GRID1: variants seen among roughly 807,000 people sequenced by gnomAD.
GRID1 encodes the protein glutamate receptor ionotropic, delta-1.
A neutral mutation model predicts 98.0 loss-of-function variants in GRID1; 28 were observed. That is an observed-to-expected ratio of 0.29 (90% CI 0.21 to 0.39). GRID1 has a LOEUF of 0.39. Among genes scored for constraint, GRID1 ranks in the 10% least tolerant of loss-of-function variants. The pLI is 1.00. For synonymous variants in GRID1, 553 were observed against 538.5 expected (o/e 1.03, Z -0.37); for missense variants, 1,111 against 1,340.5 (o/e 0.83, Z 2.67).
chr10:86,163,510 C>T (rs1281705300), intron 3 of GRID1, among the ~76,000 whole-genome samples: 2 of 151,838 alleles, frequency 1.3e-5, no homozygotes, highest in Admixed American at 1.3e-4. Flanking sequence ...GATGCTGCAC[C>T]CGTTAATTTG....
In GRID1 at chr10:86,067,471, G is replaced by A. The variant is rs761899138; in HGVS notation, c.726+71348C>T. On this transcript the variant is annotated intron_variant, in intron 4 of 15. Transcript: ENST00000327946. ...CAAAAAGCCAGAGAATCTACAAACT[G>A]GGAGGCATCAGGTATTTGGGAATGT... is the stretch of plus-strand genomic sequence containing the variant. Among the ~76,000 whole-genome samples, 31 of 152,338 alleles carry A rather than the reference G, an allele frequency of 2.0e-4. 1 individual carries two copies. Among genetic ancestry groups the A allele is most frequent in the Non-Finnish European group, 2.2e-4 (15 of 68,028 alleles).
intron 4 of GRID1, among the ~76,000 whole-genome samples, chr10:86,078,757 C>T (rs1365756949): frequency 6.6e-6 from 1 of 152,224 alleles, no homozygotes; most frequent in Non-Finnish European, 1.5e-5. Flanking sequence ...TGTCTGGCCC[C>T]AGCCTTCTCC....
chr10:86,022,250 A>C (rs75381215), intron 4 of GRID1, among the ~76,000 whole-genome samples: 3,286 of 152,348 alleles, frequency 0.022, 61 homozygotes, highest in African/African-American at 0.048. Context: ...CACATAATCA[A>C]GTTGTTCCAA....
intron 4 of GRID1, among the ~76,000 whole-genome samples, chr10:86,072,800 G>A (rs1365306215): frequency 1.3e-5 from 2 of 152,204 alleles, no homozygotes; most frequent in East Asian, 3.9e-4. Flanking sequence ...AAAACAAGTG[G>A]TTTACTTGTC....
At chr10:86,184,481 A>G (rs1283018385) in intron 3 of GRID1, among the ~76,000 whole-genome samples, 1 of 90,228 alleles carries the variant, frequency 1.1e-5, no homozygotes, top group Non-Finnish European at 2.1e-5. Context: ...TTTTTTTTGC[A>G]TACAGAAAGT....
At chr10:86,031,673 C>A (rs1667683408) in intron 4 of GRID1, among the ~76,000 whole-genome samples, 1 of 152,132 alleles carries the variant, frequency 6.6e-6, no homozygotes, top group South Asian at 2.1e-4. Context: ...GTTGCTTCCA[C>A]AGTGTTCTCA....
At chr10:85,868,918 G>T in intron 6 of GRID1, 92 bp downstream of exon 6, 3 of 1,000,738 alleles carry the variant, frequency 3.0e-6, no homozygotes, top group South Asian at 1.4e-5. Flanking sequence ...TGAAGTTGGT[G>T]GCAATAGGAG....
At chr10:86,126,064 G>T (rs1473592417) in intron 4 of GRID1, among the ~76,000 whole-genome samples, 1 of 151,154 alleles carries the variant, frequency 6.6e-6, no homozygotes, top group East Asian at 1.9e-4. Context: ...TCAACTGCAT[G>T]AGGGAGACCC....
At chr10:85,912,639 C>T (rs188565610) in intron 5 of GRID1, among the ~76,000 whole-genome samples, 2 of 152,146 alleles carry the variant, frequency 1.3e-5, no homozygotes, top group East Asian at 1.9e-4. Context: ...GAGACACCTG[C>T]GGTGGTCGGG....
chr10:86,163,428 T>C (rs1446455830), intron 3 of GRID1, among the ~76,000 whole-genome samples: 3 of 150,762 alleles, frequency 2.0e-5, no homozygotes, highest in African/African-American at 7.4e-5. Context: ...TTTTTTTCAT[T>C]ATACTTTAAG....
chr10:86,138,959 T>C lies in GRID1; in HGVS notation c.586A>G (p.Lys196Glu). The change falls in exon 4 of 16, where the codon AAG becomes GAG. Residue 196 changes from lysine (K) to glutamate (E), a missense_variant. Around this residue, in one of 3 missense-constraint regions of GRID1, gnomAD observed 346 missense variants for 452.3 expected, o/e 0.76. Coordinates refer to ENST00000327946, the MANE Select transcript of GRID1 (RefSeq NM_017551.3). ...ACGTGGCTAATGTTCTTGTCCACCT[T>C]TTGTAAAGAGACGTCAAGGCCCAGC... ...SRLGLDVSLQKVDKNISHVFT... is the reference protein window; with the variant it reads ...SRLGLDVSLQEVDKNISHVFT... The C allele has an allele frequency of 6.2e-7, 1 of 1,614,098 alleles. No individual in the cohort carries two copies. Among genetic ancestry groups the C allele is most frequent in the South Asian group, 1.1e-5 (1 of 91,080 alleles).
At chr10:85,711,643 C>T (rs1841582877) in intron 12 of GRID1, among the ~76,000 whole-genome samples, 1 of 151,528 alleles carries the variant, frequency 6.6e-6, no homozygotes, top group Admixed American at 6.6e-5. Flanking sequence ...GTATATTTTA[C>T]CAATAAAAAT....
chr10:86,132,594 A>G (rs2131967492), intron 4 of GRID1, among the ~76,000 whole-genome samples: 1 of 152,364 alleles, frequency 6.6e-6, no homozygotes, highest in African/African-American at 2.4e-5. Flanking sequence ...AATGGCACAG[A>G]ATTATCCTAG....
intron 12 of GRID1, among the ~76,000 whole-genome samples, chr10:85,660,190 T>TG (rs1840949289): frequency 6.6e-6 from 1 of 152,228 alleles, no homozygotes; most frequent in Non-Finnish European, 1.5e-5. Context: ...CTGCAATGCC[T>TG]GGGGGGCATC....
intron 2 of GRID1, among the ~76,000 whole-genome samples, chr10:86,329,109 T>C (rs1401481999): frequency 6.6e-6 from 1 of 152,088 alleles, no homozygotes; most frequent in Non-Finnish European, 1.5e-5. Context: ...GTGAGACAAA[T>C]ATCCGCCAGC....
intron 4 of GRID1, among the ~76,000 whole-genome samples, chr10:86,121,303 C>T (rs1368477364): frequency 3.3e-5 from 5 of 151,358 alleles, no homozygotes; most frequent in Non-Finnish European, 5.9e-5. Flanking sequence ...AAATCATCAC[C>T]ACCATCACCA....
At chr10:85,669,089 TC>T (rs1429254865) in intron 12 of GRID1, among the ~76,000 whole-genome samples, 1 of 152,208 alleles carries the variant, frequency 6.6e-6, no homozygotes, top group African/African-American at 2.4e-5. Flanking sequence ...GGTTCCCCAT[TC>T]TAGGCCTGAG....
In GRID1 at chr10:86,346,066, G is replaced by A. The variant is rs77132237; in HGVS notation, c.235+17875C>T. ...CCTGTGCTCCCACACCCCTGGGCAG[G>A]CTTCATTCTCTTGTAGCATGCTTCA... is the stretch of plus-strand genomic sequence containing the variant. On this transcript the variant is annotated intron_variant, in intron 2 of 15. Transcript: ENST00000327946. 5.3e-3 allele frequency among the ~76,000 whole-genome samples: 801 copies of A among 152,288 alleles called. 7 individuals carry two copies. Among genetic ancestry groups the A allele is most frequent in the African/African-American group, 0.018 (768 of 41,554 alleles).
chr10:85,887,047 G>C (rs918233611), intron 5 of GRID1, among the ~76,000 whole-genome samples: 2 of 152,174 alleles, frequency 1.3e-5, no homozygotes, highest in African/African-American at 4.8e-5. Context: ...AGTAATCTAA[G>C]TTGATGACAG....
Sources: allele counts gnomAD v4.1 joint callset (sites outside exome capture counted in the v4.1 genomes callset), GRCh38; gene constraint gnomAD v4.1.1; regional missense constraint gnomAD v4.1.1; transcripts MANE v1.5; gene names NCBI Gene and HGNC (gene_info 2026-07-23, HGNC 2026-07-21).